QRSL1: variants seen among roughly 807,000 people sequenced by gnomAD.
QRSL1 encodes glutamyl-tRNA(Gln) amidotransferase subunit A, mitochondrial.
Under a neutral mutation model 61.6 loss-of-function variants are expected in QRSL1, and 54 were observed. The observed-to-expected ratio is 0.88, with a 90% CI of 0.70 to 1.10. QRSL1 has a LOEUF of 1.10. Ranked by LOEUF, QRSL1 falls within the 50% of genes least tolerant of loss-of-function variation. The probability of loss-of-function intolerance (pLI) is 0.00; values close to 1 mark genes in which losing one functional copy is unlikely to be tolerated. For missense variants in QRSL1, 505 were observed against 622.6 expected, an observed-to-expected ratio of 0.81 and a Z score of 2.01; for synonymous variants, 228 against 225.7, an observed-to-expected ratio of 1.01 and a Z score of -0.09.
At chr6:106,653,841 AAG>A (rs1469436571) in intron 7 of QRSL1, 39 of 151,996 alleles carry the variant, frequency 2.6e-4, no homozygotes, top group African/African-American at 8.7e-4. Flanking sequence ...AAAAAAAAAA[AAG>A]AAGGCAATAT....
rs569217297 is a variant in QRSL1, at chr6:106,637,524, A to G, written c.25-2825A>G. On this transcript the variant is annotated intron_variant, in intron 1 of 10. Transcript: ENST00000369046. ...CTGGGGAGCGTGGTGTCATCTCCCA[A>G]GGCATGTGCTTTGGGTGAGCGGAAT... Among the ~76,000 whole-genome samples, 26 of 152,234 alleles carry G rather than the reference A, an allele frequency of 1.7e-4. No individual in the cohort carries two copies. In the South Asian group the frequency reaches 5.2e-3, roughly 30 times the overall value.
intron 9 of QRSL1, among the ~76,000 whole-genome samples, chr6:106,658,596 T>C (rs904471015): frequency 1.4e-4 from 21 of 152,226 alleles, no homozygotes; most frequent in Non-Finnish European, 2.5e-4. Context: ...TTCTGTACTT[T>C]AAAGGTTTTG....
chr6:106,643,588 G>A (rs1319102467), intron 4 of QRSL1, among the ~76,000 whole-genome samples: 2 of 151,938 alleles, frequency 1.3e-5, no homozygotes, highest in African/African-American at 4.8e-5. Flanking sequence ...GCTGAGGCGG[G>A]AGAATCGCTT....
At chr6:106,640,691 A>T in intron 2 of QRSL1, 132 bp from the exon 3 acceptor site, 1 of 1,003,834 alleles carries the variant, frequency 1.0e-6, no homozygotes, top group Non-Finnish European at 1.5e-6. Context: ...CAACTGTATT[A>T]ATTTCTGCCA....
At chr6:106,664,241 C>T (rs546843101) in intron 10 of QRSL1, among the ~76,000 whole-genome samples, 2 of 152,266 alleles carry the variant, frequency 1.3e-5, no homozygotes, top group Non-Finnish European at 2.9e-5. Context: ...AATCACCCCA[C>T]CTCTCTTTTT....
chr6:106,661,357 C>T (rs761339718), intron 9 of QRSL1, among the ~76,000 whole-genome samples: 5 of 152,008 alleles, frequency 3.3e-5, no homozygotes, highest in Middle Eastern at 3.2e-3. Flanking sequence ...CCTTGTGATC[C>T]GACGCCTCGG....
intron 1 of QRSL1, among the ~76,000 whole-genome samples, chr6:106,631,616 A>G (rs889150368): frequency 6.6e-6 from 1 of 152,138 alleles, no homozygotes; most frequent in African/African-American, 2.4e-5. Flanking sequence ...GAAGGTTGCA[A>G]TGGCCTTTGT....
chr6:106,641,488 C>CA (rs1365002675), intron 3 of QRSL1, among the ~76,000 whole-genome samples: 6 of 152,126 alleles, frequency 3.9e-5, no homozygotes, highest in Non-Finnish European at 8.8e-5. Context: ...CACAGTATGG[C>CA]AATGCTTAGA....
intron 5 of QRSL1, 53 bp from the exon 6 acceptor site, chr6:106,652,156 A>G: frequency 6.7e-7 from 1 of 1,495,772 alleles, no homozygotes; most frequent in Non-Finnish European, 9.1e-7. Context: ...GTAGATTCCA[A>G]ATATAATTAG....
chr6:106,640,965 G>A, intron 3 of QRSL1, 44 bp downstream of exon 3: 2 of 1,414,058 alleles, frequency 1.4e-6, no homozygotes, highest in Non-Finnish European at 2.0e-6. Flanking sequence ...TATAAAAATA[G>A]GTATTTTTCG....
chr6:106,652,693 A>C (rs1371033520), intron 7 of QRSL1, 111 bp downstream of exon 7: 1 of 1,562,232 alleles, frequency 6.4e-7, no homozygotes, highest in Non-Finnish European at 8.7e-7. Flanking sequence ...ACTTTTATTA[A>C]TCATGTGAGT....
At chr6:106,651,434 C>T (rs935707316) in intron 5 of QRSL1, among the ~76,000 whole-genome samples, 1 of 152,114 alleles carries the variant, frequency 6.6e-6, no homozygotes, top group African/African-American at 2.4e-5. Flanking sequence ...CAATCTGACT[C>T]ACTGCAACTA....
chr6:106,639,122 T>TTTTTTG (rs1562165063), intron 1 of QRSL1, among the ~76,000 whole-genome samples: 1 of 57,346 alleles, frequency 1.7e-5, no homozygotes, highest in Non-Finnish European at 4.2e-5. Flanking sequence ...TTTTGTTGTT[T>TTTTTTG]TTTTTTTTTT....
In QRSL1 at chr6:106,640,527, T is replaced by A. The variant is rs770366007; in HGVS notation, c.184+19T>A. The A allele has an allele frequency of 1.9e-5, 29 of 1,516,972 alleles. No individual in the cohort carries two copies. The Admixed American group carries it at 4.4e-4, about 23-fold the overall frequency. The allele number at this position is 1,516,972 out of a possible 1,614,324, so 94.0% of individuals were successfully genotyped here. Reference sequence around the variant, plus strand: ...AAGAATGGTAAATTGCTTTTAACTATACTTAATTGTTATATCTCCAGAGAA... The same window carrying A: ...AAGAATGGTAAATTGCTTTTAACTAAACTTAATTGTTATATCTCCAGAGAA... On this transcript the variant is annotated intron_variant, in intron 2 of 10. Coordinates refer to ENST00000369046, the MANE Select transcript of QRSL1 (RefSeq NM_018292.5).
rs142361530 is a variant in QRSL1 at position 106,652,510 on chromosome 6, T to C, written c.777T>C (p.His259=). 168 of 1,614,256 alleles carry C rather than the reference T, an allele frequency of 1.0e-4. 1 individual carries two copies. In the African/African-American group the frequency reaches 1.5e-3, roughly 14 times the overall value. Residue 259 remains histidine, a synonymous_variant, in exon 7 of 11, where the codon CAT becomes CAC. Coordinates refer to ENST00000369046, the MANE Select transcript of QRSL1 (RefSeq NM_018292.5). ...GPDPRDSTTV[H]EPINKPFMLP... Reference sequence around the variant, plus strand: ...ACCCCAGGGACTCTACCACAGTACATGAACCTATTAATAAACCATTCATGC... The same window carrying C: ...ACCCCAGGGACTCTACCACAGTACACGAACCTATTAATAAACCATTCATGC...
At chr6:106,636,081 T>C (rs1160213563) in intron 1 of QRSL1, among the ~76,000 whole-genome samples, 1 of 152,098 alleles carries the variant, frequency 6.6e-6, no homozygotes, top group Non-Finnish European at 1.5e-5. Flanking sequence ...TCAAAGGGTG[T>C]GTTCAAAGGA....
chr6:106,641,374 G>A (rs930228413), intron 3 of QRSL1, among the ~76,000 whole-genome samples: 13 of 152,324 alleles, frequency 8.5e-5, no homozygotes, highest in African/African-American at 2.9e-4. Flanking sequence ...ATGGGAATAA[G>A]TATGAACTGG....
chr6:106,637,599 T>C (rs940959277), intron 1 of QRSL1, among the ~76,000 whole-genome samples: 1 of 152,106 alleles, frequency 6.6e-6, no homozygotes, highest in Non-Finnish European at 1.5e-5. Context: ...AGATCATCTT[T>C]CCCCTCTCCC....
intron 3 of QRSL1, 34 bp from the exon 4 acceptor site, chr6:106,642,960 G>C: frequency 7.0e-7 from 1 of 1,420,850 alleles, no homozygotes; most frequent in Non-Finnish European, 9.8e-7. Context: ...CTTCTGGACT[G>C]TAAAAAAAAT....
Sources: gnomAD v4.1 joint callset for allele counts (sites outside exome capture counted in the v4.1 genomes callset) on GRCh38, gnomAD v4.1.1 for gene constraint, MANE v1.5 for transcripts, NCBI Gene and HGNC (gene_info 2026-07-23, HGNC 2026-07-21) for gene names.